The following ARL13A variants were observed in gnomAD, a reference collection of about 807,000 sequenced individuals.
The protein encoded by ARL13A is ADP-ribosylation factor-like protein 13A.
Under a neutral mutation model 19.1 loss-of-function variants are expected in ARL13A, and 16 were observed. The ratio of observed to expected loss-of-function variants is 0.84; its 90% CI spans 0.57 to 1.27. The LOEUF is 1.27. Ranked by LOEUF, ARL13A falls within the 50% of genes most tolerant of loss-of-function variation. The pLI is 0.00. For missense variants in ARL13A, 153 were observed against 186.4 expected, an observed-to-expected ratio of 0.82 and a Z score of 1.04; for synonymous variants, 69 against 71.3, an observed-to-expected ratio of 0.97 and a Z score of 0.17.
At chrX:100,984,680 G>A (rs1046308274) in intron 3 of ARL13A, among the ~76,000 whole-genome samples, 1 of 111,966 alleles carries the variant, frequency 8.9e-6, no homozygotes. Context: ...TATAGCTTAC[G>A]TTTTAGTTGG....
At chrX:100,981,842 G>A (rs2085861309) in intron 3 of ARL13A, among the ~76,000 whole-genome samples, 1 of 105,916 alleles carries the variant, frequency 9.4e-6, no homozygotes, top group Non-Finnish European at 1.9e-5. Flanking sequence ...TTATAACCAG[G>A]TACTGTGATC....
intron 3 of ARL13A, among the ~76,000 whole-genome samples, chrX:100,978,082 T>C (rs1402356891): frequency 3.6e-5 from 4 of 112,523 alleles, no homozygotes; most frequent in Non-Finnish European, 7.5e-5. Flanking sequence ...GGAACTTTCA[T>C]AGTGGAACAT....
chrX:100,988,553 T>C, intron 7 of ARL13A: 1 of 1,064,621 alleles, frequency 9.4e-7, no homozygotes, highest in Non-Finnish European at 1.2e-6. Context: ...GACAATATTT[T>C]TGAAGGTAAT....
chrX:100,982,896 A>C (rs1008272515), intron 3 of ARL13A, among the ~76,000 whole-genome samples: 1 of 110,815 alleles, frequency 9.0e-6, no homozygotes, highest in African/African-American at 3.3e-5. Flanking sequence ...GTGGTACTCA[A>C]GCTTTAAAGT....
rs775079428 is a variant in ARL13A at position 100,970,136 on chromosome X, A to G, written c.-15+327A>G. Among the ~76,000 whole-genome samples, 4 of 112,726 alleles carry G rather than the reference A, an allele frequency of 3.5e-5. No individual in the cohort carries two copies. In the East Asian group the frequency reaches 1.1e-3, roughly 32 times the overall value. On this transcript the variant is annotated intron_variant, in intron 1 of 7. Coordinates refer to ENST00000450049, the MANE Select transcript of ARL13A (RefSeq NM_001162491.2). The stretch of plus-strand genomic sequence containing the variant: ...CTCTTCTCCAAGGGAGATGGCTATC[A>G]AGGAACCCAGACAATTAGGCTCTGA...
chrX:100,975,131 T>C (rs1296898235), intron 3 of ARL13A, among the ~76,000 whole-genome samples: 3 of 111,954 alleles, frequency 2.7e-5, no homozygotes, highest in Non-Finnish European at 3.8e-5. Context: ...AAGATAAAAC[T>C]TAAGTTTCTT....
intron 2 of ARL13A, 90 bp downstream of exon 2, chrX:100,973,838 T>A: frequency 1.0e-6 from 1 of 956,145 alleles, no homozygotes; most frequent in Non-Finnish European, 1.5e-6. Flanking sequence ...CTTCATAATA[T>A]ATATTGTTAG....
At chrX:100,987,260 A>C (rs1035102630) in intron 5 of ARL13A, 130 bp from the exon 6 acceptor site, 19 of 615,075 alleles carry the variant, frequency 3.1e-5, no homozygotes, top group African/African-American at 9.2e-5. Context: ...GTCTCCTAGA[A>C]GTCTCAGAGC....
chrX:100,973,327 G>C (rs1306102594), intron 1 of ARL13A, among the ~76,000 whole-genome samples: 2 of 94,725 alleles, frequency 2.1e-5, no homozygotes, highest in African/African-American at 3.8e-5. Flanking sequence ...CCGGGCAGAG[G>C]CTGCAATCTC....
rs752583658 is a variant in ARL13A, at chrX:100,988,625, T to C, written c.744+342T>C. The C allele has an allele frequency of 1.2e-4, 100 of 814,357 alleles. No individual in the cohort carries two copies. The African/African-American group carries it at 1.9e-3, about 16-fold the overall frequency. 67.1% of individuals were successfully genotyped at this position (814,357 alleles called of 1,213,427 possible). A position where few individuals can be genotyped will look rare whatever the true frequency, so the allele number is the denominator to read the frequency against. On this transcript the variant is annotated intron_variant, in intron 7 of 7. Coordinates refer to ENST00000450049, the MANE Select transcript of ARL13A (RefSeq NM_001162491.2). ...CCTTCCCTAACAATTTCTACAATAG[T>C]ATTCCAATTTTGAGCCTGAATTTCT...
Position 100,973,664 on chromosome X carries a change from T to C in ARL13A, c.-14-12T>C. 2.5e-6 allele frequency: 3 copies of C among 1,204,583 alleles called. No homozygotes were observed. Among genetic ancestry groups the C allele is most frequent in the Non-Finnish European group, 3.4e-6 (3 of 889,448 alleles). ...CTTACTTCTTATTTTCTTTCTTCTCTTAATATTTAAGAACTAAGATGAATC... is the reference window on the plus strand; with the variant it reads ...CTTACTTCTTATTTTCTTTCTTCTCCTAATATTTAAGAACTAAGATGAATC... On this transcript the variant is annotated splice_polypyrimidine_tract_variant and intron_variant, in intron 1 of 7. Transcript: ENST00000450049.
intron 1 of ARL13A, among the ~76,000 whole-genome samples, chrX:100,972,510 G>A (rs113069612): frequency 6.3e-4 from 49 of 77,551 alleles, no homozygotes; most frequent in African/African-American, 1.4e-3. Context: ...CCTCCCTCCC[G>A]GACGGGGCGG....
chrX:100,975,802 T>C (rs1479711561), intron 3 of ARL13A, among the ~76,000 whole-genome samples: 1 of 109,851 alleles, frequency 9.1e-6, no homozygotes, highest in African/African-American at 3.3e-5. Context: ...CTGGCTGATT[T>C]TTTTGGATTT....
intron 1 of ARL13A, 39 bp from the exon 2 acceptor site, chrX:100,973,637 G>C: frequency 8.7e-7 from 1 of 1,156,037 alleles, no homozygotes; most frequent in Non-Finnish European, 1.2e-6. Flanking sequence ...TTTATAACAG[G>C]ACTTACTTCT....
intron 3 of ARL13A, among the ~76,000 whole-genome samples, chrX:100,977,076 ATGAGATACG>A (rs979149887): frequency 2.0e-4 from 22 of 112,057 alleles, no homozygotes; most frequent in Non-Finnish European, 3.9e-4. Context: ...GTATATATTT[ATGAGATACG>A]TGAGATACGT....
chrX:100,980,169 G>A (rs946059541), intron 3 of ARL13A, among the ~76,000 whole-genome samples: 1 of 111,689 alleles, frequency 9.0e-6, no homozygotes, highest in Non-Finnish European at 1.9e-5. Flanking sequence ...GCCAGGACAG[G>A]GTATTTCCCT....
chrX:100,975,020 TC>T (rs1043653441), intron 3 of ARL13A, among the ~76,000 whole-genome samples: 3 of 111,014 alleles, frequency 2.7e-5, no homozygotes, highest in Admixed American at 9.6e-5. Flanking sequence ...TCTCCATTTG[TC>T]CCCCCCAGTA....
chrX:100,988,620 A>G (rs1026265001), intron 7 of ARL13A: 6 of 825,455 alleles, frequency 7.3e-6, no homozygotes, highest in Non-Finnish European at 9.2e-6. Context: ...CAATTTCTAC[A>G]ATAGTATTCC....
chrX:100,971,290 C>CA (rs759610296), intron 1 of ARL13A, among the ~76,000 whole-genome samples: 17 of 101,346 alleles, frequency 1.7e-4, no homozygotes, highest in African/African-American at 6.3e-4. Flanking sequence ...AGTGGGTCAC[C>CA]AATGCCCACA....
Sources: allele counts gnomAD v4.1 joint callset (sites outside exome capture counted in the v4.1 genomes callset), GRCh38; gene constraint gnomAD v4.1.1; transcripts MANE v1.5; gene names NCBI Gene and HGNC (gene_info 2026-07-23, HGNC 2026-07-21).